The following PTPN11 variants were observed in gnomAD, a reference collection of about 807,000 sequenced individuals.
The protein encoded by PTPN11 is protein tyrosine phosphatase non-receptor type 11, also known as tyrosine-protein phosphatase non-receptor type 11.
A neutral mutation model predicts 78.8 loss-of-function variants in PTPN11; 6 were observed. That is an observed-to-expected ratio of 0.08 (90% CI 0.04 to 0.15). The LOEUF is 0.15. PTPN11 is among the 10% of genes least tolerant of loss of function. The probability of loss-of-function intolerance (pLI) is 1.00; values close to 1 mark genes in which losing one functional copy is unlikely to be tolerated. For missense variants in PTPN11, 386 were observed against 744.8 expected (o/e 0.52, Z 5.61); for synonymous variants, 221 against 263.5 (o/e 0.84, Z 1.56).
chr12:112,441,114 G>T (rs535161907), intron 1 of PTPN11, among the ~76,000 whole-genome samples: 1 of 151,788 alleles, frequency 6.6e-6, no homozygotes. Flanking sequence ...ACAGGCATGC[G>T]CCACCATGCC....
chr12:112,462,184 C>T (rs773906841), intron 6 of PTPN11, among the ~76,000 whole-genome samples: 44 of 152,044 alleles, frequency 2.9e-4, no homozygotes, highest in Non-Finnish European at 5.6e-4. Context: ...ATAGTGAGAC[C>T]CTGTCTCTAC....
intron 1 of PTPN11, among the ~76,000 whole-genome samples, chr12:112,437,676 T>G (rs1182008347): frequency 1.3e-5 from 2 of 152,200 alleles, no homozygotes; most frequent in Admixed American, 1.3e-4. Context: ...GTTGGAAGTT[T>G]TCCTTTCTTT....
chr12:112,434,969 T>C (rs2037767522), intron 1 of PTPN11, among the ~76,000 whole-genome samples: 3 of 151,986 alleles, frequency 2.0e-5, no homozygotes, highest in African/African-American at 7.3e-5. Context: ...GTATTTTTAG[T>C]AGAGATGGGG....
At chr12:112,419,836 G>A (rs146610066) in intron 1 of PTPN11, among the ~76,000 whole-genome samples, 2 of 152,282 alleles carry the variant, frequency 1.3e-5, no homozygotes, top group East Asian at 3.9e-4. Flanking sequence ...TTATGGATGA[G>A]GAAACCGAGG....
chr12:112,449,334 TCTC>T (rs1347830838), intron 2 of PTPN11, among the ~76,000 whole-genome samples: 1 of 151,580 alleles, frequency 6.6e-6, no homozygotes, highest in Non-Finnish European at 1.5e-5. Flanking sequence ...TGAAACCCCG[TCTC>T]TACTAAAAAT....
chr12:112,476,571 T>G (rs1256467175), intron 7 of PTPN11, among the ~76,000 whole-genome samples: 1 of 151,978 alleles, frequency 6.6e-6, no homozygotes, highest in Non-Finnish European at 1.5e-5. Context: ...GAGTTCAAGA[T>G]CAGCCTGGCT....
intron 6 of PTPN11, 52 bp downstream of exon 6, chr12:112,456,115 T>C: frequency 8.3e-7 from 1 of 1,198,464 alleles, no homozygotes; most frequent in South Asian, 1.3e-5. Context: ...CTATTTTTAG[T>C]GGAGGAGAAG....
intron 1 of PTPN11, among the ~76,000 whole-genome samples, chr12:112,443,887 C>T (rs1455642759): frequency 1.3e-5 from 2 of 152,000 alleles, no homozygotes; most frequent in African/African-American, 4.8e-5. Context: ...CTCCTGGGCT[C>T]AAGTGATCCA....
chr12:112,488,138 C>T (rs2135914506), intron 11 of PTPN11, among the ~76,000 whole-genome samples: 1 of 152,122 alleles, frequency 6.6e-6, no homozygotes, highest in South Asian at 2.1e-4. Context: ...TTCATTCTGT[C>T]CAACCAGCAC....
In PTPN11 at chr12:112,477,956, G is replaced by A. The variant is rs1317602687; in HGVS notation, c.1033G>A (p.Val345Met). Residue 345 changes from valine to methionine, a missense_variant, in exon 9 of 16, where the codon GTG becomes ATG. Physicochemically the swap from Val to Met is conservative, Grantham distance 21. Transcript: ENST00000351677. Reference sequence around the variant, plus strand: ...CACGGTGAATGACTTTTGGCGGATGGTGTTCCAAGAAAACTCCCGAGTGAT... The same window carrying A: ...CACGGTGAATGACTTTTGGCGGATGATGTTCCAAGAAAACTCCCGAGTGAT... ...QNTVNDFWRM[V>M]FQENSRVIVM... is the part of the protein sequence containing the mutation. 1 of 1,614,048 alleles carries A rather than the reference G, an allele frequency of 6.2e-7. No homozygotes were observed. Among genetic ancestry groups the A allele is most frequent in the African/African-American group, 1.3e-5 (1 of 74,918 alleles).
At chr12:112,487,217 C>G (rs567785503) in intron 11 of PTPN11, among the ~76,000 whole-genome samples, 5 of 151,830 alleles carry the variant, frequency 3.3e-5, no homozygotes, top group Non-Finnish European at 5.9e-5. Flanking sequence ...TCACTGCAAC[C>G]TCCGCCTCCC....
At chr12:112,422,039 G>A (rs2037530614) in intron 1 of PTPN11, among the ~76,000 whole-genome samples, 1 of 152,258 alleles carries the variant, frequency 6.6e-6, no homozygotes, top group Non-Finnish European at 1.5e-5. Flanking sequence ...AGAGAGAGCA[G>A]ACAAACACAT....
Position 112,502,202 on chromosome 12 carries a change from C to A in PTPN11, c.1658C>A (p.Thr553Lys), listed in dbSNP as rs148176616. The A allele has an allele frequency of 6.2e-7, 1 of 1,613,858 alleles. No individual in the cohort carries two copies. Among genetic ancestry groups the A allele is most frequent in the Admixed American group, 1.7e-5 (1 of 59,988 alleles). ...ATTAAGTATTCTCTAGCGGACCAGA[C>A]GAGTGGAGATCAGAGCCCTCTCCCG... ...TNIKYSLADQTSGDQSPLPPC... is the reference protein window; with the variant it reads ...TNIKYSLADQKSGDQSPLPPC... Residue 553 changes from threonine to lysine, a missense_variant, in exon 14 of 16, where the codon ACG becomes AAG. Physicochemically the swap from Thr to Lys is moderately conservative, Grantham distance 78. Coordinates refer to ENST00000351677, the MANE Select transcript of PTPN11 (RefSeq NM_002834.5).
rs916372399 is a variant in PTPN11 at position 112,419,033 on chromosome 12, G to A, written c.-79G>A. ...GTCCGGTCCCGAGCGGGCCTCCCTC[G>A]GGCCAGCCCGATGTGACCGAGCCCA... On this transcript the variant is annotated 5_prime_UTR_variant, in exon 1 of 16. Coordinates refer to ENST00000351677, the MANE Select transcript of PTPN11 (RefSeq NM_002834.5). 1 of 1,525,180 alleles carries A rather than the reference G, an allele frequency of 6.6e-7. No individual in the cohort carries two copies. Among genetic ancestry groups the A allele is most frequent in the Non-Finnish European group, 8.8e-7 (1 of 1,138,026 alleles). 94.5% of individuals were successfully genotyped at this position (1,525,180 alleles called of 1,614,324 possible). A position where few individuals can be genotyped will look rare whatever the true frequency, so the allele number is the denominator to read the frequency against.
intron 1 of PTPN11, among the ~76,000 whole-genome samples, chr12:112,420,951 G>A (rs969373272): frequency 2.4e-4 from 37 of 152,258 alleles, no homozygotes; most frequent in African/African-American, 8.7e-4. Context: ...TTCCAGACAA[G>A]TAAGGATCTG....
chr12:112,488,749 G>C (rs2038710337), intron 12 of PTPN11, among the ~76,000 whole-genome samples: 1 of 152,124 alleles, frequency 6.6e-6, no homozygotes, highest in Non-Finnish European at 1.5e-5. Flanking sequence ...CATACACAGT[G>C]GTGGTCTCTA....
chr12:112,436,190 TAA>T (rs1443030454), intron 1 of PTPN11, among the ~76,000 whole-genome samples: 20 of 152,174 alleles, frequency 1.3e-4, no homozygotes, highest in Non-Finnish European at 2.9e-4. Context: ...TATTAAATAA[TAA>T]GTTAGTTAAT....
chr12:112,423,944 G>A (rs987432677), intron 1 of PTPN11, among the ~76,000 whole-genome samples: 2 of 151,864 alleles, frequency 1.3e-5, no homozygotes, highest in Admixed American at 6.6e-5. Context: ...TAGAGTTAGG[G>A]TCTTGCTCTG....
chr12:112,454,511 C>G, intron 4 of PTPN11, 53 bp from the exon 5 acceptor site: 2 of 1,335,094 alleles, frequency 1.5e-6, no homozygotes, highest in Non-Finnish European at 2.2e-6. Context: ...CTTGAAAACA[C>G]TAATGTAACA....
Sources: gnomAD v4.1 joint callset for allele counts (sites outside exome capture counted in the v4.1 genomes callset) on GRCh38, gnomAD v4.1.1 for gene constraint, MANE v1.5 for transcripts, NCBI Gene and HGNC (gene_info 2026-07-23, HGNC 2026-07-21) for gene names.